The following ALAS2 variants were observed in gnomAD, a reference collection of about 807,000 sequenced individuals.
The protein encoded by ALAS2 is 5'-aminolevulinate synthase 2, also known as 5-aminolevulinate synthase, erythroid-specific, mitochondrial.
In ALAS2, 3 loss-of-function variants were observed where a neutral mutation model predicts 33.7. The observed-to-expected ratio is 0.09, with a 90% CI of 0.04 to 0.23. ALAS2 has a LOEUF of 0.23. Among genes scored for constraint, ALAS2 ranks in the 10% least tolerant of loss-of-function variants. The pLI is 1.00. For synonymous variants in ALAS2, 191 were observed against 177.3 expected, an observed-to-expected ratio of 1.08 and a Z score of -0.61; for missense variants, 304 against 475.1, an observed-to-expected ratio of 0.64 and a Z score of 3.35.
intron 3 of ALAS2, 149 bp downstream of exon 3, chrX:55,024,569 T>C (rs1935857960): frequency 1.4e-6 from 1 of 733,267 alleles, no homozygotes; most frequent in South Asian, 2.4e-5. Context: ...CAGCCTAAAC[T>C]GTTGCCTACC....
chrX:55,015,959 CTGTGTGTGTGTGTGTGTGTGTGTG>C (rs56109492), intron 7 of ALAS2, among the ~76,000 whole-genome samples: 5 of 80,156 alleles, frequency 6.2e-5, no homozygotes, highest in African/African-American at 1.4e-4. Context: ...CTCTGTCTCT[CTGTGTGTGTGTGTGTGTGTGTGTG>C]TGTGTGTGTG....
rs1935552357 is a variant in ALAS2 at position 55,009,193 on chromosome X, G to A, written c.1751C>T (p.Thr584Ile). The A allele has an allele frequency of 8.3e-7, 1 of 1,206,417 alleles. No homozygotes were observed. The highest frequency in any genetic ancestry group is 2.2e-5 in the Admixed American group (1 of 45,437). ...YFGNMGPQYV[T>I]TYA The stretch of plus-strand genomic sequence containing the variant: ...GCAGCTGGCTTCTCAGGCATAGGTG[G>A]TGACATACTGGGGCCCCATGTTCCC... Residue 584 changes from threonine (T) to isoleucine (I), a missense_variant, in exon 11 of 11, where the codon ACC becomes ATC. By Grantham distance (89) the Thr-to-Ile change is moderately conservative. Coordinates refer to ENST00000650242, the MANE Select transcript of ALAS2 (RefSeq NM_000032.5).
At position 55,015,756 on chromosome X, in the gene ALAS2, AG is replaced by A; in HGVS notation, c.1004-15del. 8 of 1,209,732 alleles carry A rather than the reference AG, an allele frequency of 6.6e-6. No homozygotes were observed. The highest frequency in any genetic ancestry group is 8.9e-6 in the Non-Finnish European group (8 of 894,158). ...GACAGATGGCACCTGAGCAAAGCCA[AG>A]GGATAGAGGTAGGACATCATAACCC... On this transcript the variant is annotated splice_polypyrimidine_tract_variant and intron_variant, in intron 7 of 10. Transcript: ENST00000650242.
chrX:55,026,659 T>C (rs1371763197), intron 1 of ALAS2, among the ~76,000 whole-genome samples: 1 of 111,578 alleles, frequency 9.0e-6, no homozygotes, highest in Admixed American at 9.5e-5. Flanking sequence ...TAAGCACAGA[T>C]ATAGGAAGAG....
At position 55,027,827 on chromosome X, in the gene ALAS2, G is replaced by A. The variant is rs180836330; in HGVS notation, c.-15-1812C>T. The A allele has an allele frequency of 2.5e-6, 3 of 1,203,635 alleles. No individual in the cohort carries two copies. The African/African-American group carries it at 5.2e-5, about 21-fold the overall frequency. The stretch of plus-strand genomic sequence containing the variant: ...TCTCATGGGCTGTCACAGCAGCCTG[G>A]GTTGGTATGTGGGGCCAAGGCATGT... On this transcript the variant is annotated intron_variant, in intron 1 of 10. Transcript: ENST00000650242.
Position 55,017,665 on chromosome X carries a change from C to G in ALAS2, c.824G>C (p.Gly275Ala). The change falls in exon 7 of 11, where the codon GGG (glycine) becomes GCG (alanine). Residue 275 changes from glycine (G) to alanine (A), a missense_variant and splice_region_variant. Physicochemically the swap from Gly to Ala is moderately conservative, Grantham distance 60. Transcript: ENST00000650242. ...GCCTGCGTCTGAGTAAATCTCGCAC[C>G]CTGAGGAAGCAGATGTATAATCCTT... is the stretch of plus-strand genomic sequence containing the variant. The part of the protein sequence containing the change: ...TLFTLAKILP[G>A]CEIYSDAGNH... The G allele has an allele frequency of 8.3e-7, 1 of 1,210,492 alleles. No homozygotes were observed. Among genetic ancestry groups the G allele is most frequent in the Non-Finnish European group, 1.1e-6 (1 of 894,545 alleles).
intron 10 of ALAS2, among the ~76,000 whole-genome samples, chrX:55,010,745 A>AT (rs1189554865): frequency 9.0e-6 from 1 of 110,543 alleles, no homozygotes; most frequent in Non-Finnish European, 1.9e-5. Flanking sequence ...ATCCTGCTTT[A>AT]TTTTTTCCCA....
Position 55,009,361 on chromosome X carries a change from AGGGGAGG to A in ALAS2, c.1601-25_1601-19del. The stretch of plus-strand genomic sequence containing the variant: ...CAGCTTCTCTGAAGGTGGTAGGGGG[AGGGGAGG>A]GAAAAAATGGGTTAGACTAGATCTT... On this transcript the variant is annotated intron_variant, in intron 10 of 10. Transcript: ENST00000650242. The A allele has an allele frequency of 8.4e-7, 1 of 1,185,928 alleles. No individual in the cohort carries two copies. Among genetic ancestry groups the A allele is most frequent in the Admixed American group, 2.4e-5 (1 of 42,430 alleles).
In ALAS2 at chrX:55,015,678, C is replaced by T; in HGVS notation, c.1068G>A (p.Val356=). The T allele has an allele frequency of 1.7e-6, 2 of 1,211,202 alleles. No individual in the cohort carries two copies. The highest frequency in any genetic ancestry group is 2.2e-6 in the Non-Finnish European group (2 of 895,338). The stretch of plus-strand genomic sequence containing the variant: ...ACAGTCCTACAGCATGGACCTCATC[C>T]ACGAAGGTCAGGGCCCCATACTGGT... ...VSHQYGALTF[V]DEVHAVGLYG... The change falls in exon 8 of 11, where the codon GTG becomes GTA. Residue 356 remains valine (V), a synonymous_variant. Coordinates refer to ENST00000650242, the MANE Select transcript of ALAS2 (RefSeq NM_000032.5).
At chrX:55,019,021 A>G (rs979794036) in intron 6 of ALAS2, among the ~76,000 whole-genome samples, 1 of 111,015 alleles carries the variant, frequency 9.0e-6, no homozygotes, top group African/African-American at 3.3e-5. Context: ...AAGTGGTGGT[A>G]ATATTTTTGC....
chrX:55,013,444 G>A (rs999628759), intron 10 of ALAS2, 42 bp downstream of exon 10: 2 of 1,164,069 alleles, frequency 1.7e-6, no homozygotes, highest in African/African-American at 3.6e-5. Context: ...TCCTGGGGCT[G>A]AGGGGAGGGA....
At chrX:55,026,810 T>C (rs1471512436) in intron 1 of ALAS2, among the ~76,000 whole-genome samples, 1 of 111,873 alleles carries the variant, frequency 8.9e-6, no homozygotes, top group African/African-American at 3.3e-5. Context: ...ACACAGGCAC[T>C]CAATAAATAT....
intron 6 of ALAS2, 122 bp from the exon 7 acceptor site, chrX:55,017,787 C>T: frequency 2.7e-6 from 2 of 744,475 alleles, no homozygotes; most frequent in Non-Finnish European, 4.1e-6. Flanking sequence ...TGCTCTGCTT[C>T]TTCCTTCTCT....
chrX:55,017,774 C>A (rs1202143549), intron 6 of ALAS2, 109 bp from the exon 7 acceptor site: 2 of 811,526 alleles, frequency 2.5e-6, no homozygotes, highest in Non-Finnish European at 3.7e-6. Context: ...CCTTTGAAGA[C>A]CTTGCTCTGC....
At chrX:55,015,307 G>A (rs975573535) in intron 8 of ALAS2, among the ~76,000 whole-genome samples, 7 of 111,356 alleles carry the variant, frequency 6.3e-5, no homozygotes, top group African/African-American at 2.3e-4. Context: ...GGGCTAGGGT[G>A]GGGGAGGGGT....
chrX:55,010,034 TCCA>T (rs1935574258), intron 10 of ALAS2, among the ~76,000 whole-genome samples: 1 of 111,873 alleles, frequency 8.9e-6, no homozygotes, highest in African/African-American at 3.3e-5. Context: ...GTCCCTACCC[TCCA>T]CCAAGCTATT....
chrX:55,024,037 C>T (rs768270160), intron 3 of ALAS2, among the ~76,000 whole-genome samples, 170 bp from the exon 4 acceptor site: 2 of 111,785 alleles, frequency 1.8e-5, no homozygotes, highest in East Asian at 2.8e-4. Context: ...TTTATCCCCC[C>T]GAATGGAGAC....
In ALAS2 at chrX:55,025,961, G is replaced by C; in HGVS notation, c.40C>G (p.Leu14Val). Reference sequence around the variant, plus strand: ...AGGAGGCTTGTGGGGCCCCGGGCAAGCACTGGGCAGCACTGTAGCAGCATG... The same window carrying C: ...AGGAGGCTTGTGGGGCCCCGGGCAACCACTGGGCAGCACTGTAGCAGCATG... ...AAMLLQCCPV[L>V]ARGPTSLLGK... is the part of the protein sequence containing the mutation. Residue 14 changes from leucine to valine, a missense_variant, in exon 2 of 11, where the codon CTT (leucine) becomes GTT (valine). Leu to Val is a conservative substitution (Grantham distance 32). Around this residue, in one of 3 missense-constraint regions of ALAS2, gnomAD observed 71 missense variants for 82.8 expected, o/e 0.86. Coordinates refer to ENST00000650242, the MANE Select transcript of ALAS2 (RefSeq NM_000032.5). The C allele has an allele frequency of 1.7e-6, 2 of 1,211,052 alleles. No homozygotes were observed. Among genetic ancestry groups the C allele is most frequent in the Non-Finnish European group, 2.2e-6 (2 of 895,287 alleles).
Position 55,013,479 on chromosome X carries a change from A to G in ALAS2, c.1600+7T>C. ...AGGTCCTGTAGGCACCCATGTTGAG[A>G]ACTTACCCACAAAATCTTCCATCAT... is the stretch of plus-strand genomic sequence containing the variant. On this transcript the variant is annotated splice_region_variant and intron_variant, in intron 10 of 10. Transcript: ENST00000650242. The G allele has an allele frequency of 8.3e-7, 1 of 1,206,884 alleles. No homozygotes were observed. Among genetic ancestry groups the G allele is most frequent in the Non-Finnish European group, 1.1e-6 (1 of 892,313 alleles).
Sources: allele counts gnomAD v4.1 joint callset (sites outside exome capture counted in the v4.1 genomes callset), GRCh38; gene constraint gnomAD v4.1.1; regional missense constraint gnomAD v4.1.1; transcripts MANE v1.5; gene names NCBI Gene and HGNC (gene_info 2026-07-23, HGNC 2026-07-21).